CEP72: variants seen among roughly 807,000 people sequenced by gnomAD.
CEP72 encodes centrosomal protein 72, also known as centrosomal protein of 72 kDa.
A neutral mutation model predicts 65.7 loss-of-function variants in CEP72; 78 were observed. The ratio of observed to expected loss-of-function variants is 1.19; its 90% CI spans 0.99 to 1.43. The LOEUF (loss-of-function observed/expected upper bound fraction) is 1.43. Among genes scored for constraint, CEP72 ranks in the 40% most tolerant of loss-of-function variants. CEP72 has a pLI of 0.00. For synonymous variants in CEP72, 358 were observed against 351.7 expected (o/e 1.02, Z -0.20); for missense variants, 914 against 832.9 (o/e 1.10, Z -1.20).
rs1385276962 is a variant in CEP72 at position 623,441 on chromosome 5, T to A, written c.404-1030T>A. ...GCCTGCGTGTGGGATGGAGGCGGCG[T>A]CTGGAGAGACCTTGCCAGCAGGAGA... On this transcript the variant is annotated intron_variant, in intron 3 of 11. Transcript: ENST00000264935. The surrounding 1 kb of genome is among the most constrained non-coding windows in gnomAD (Gnocchi z 5.3). Among the ~76,000 whole-genome samples the A allele has an allele frequency of 6.6e-6, 1 of 152,094 alleles. No homozygotes were observed. The highest frequency in any genetic ancestry group is 1.5e-5 in the Non-Finnish European group (1 of 68,008).
chr5:634,934 C>G (rs907974221), intron 5 of CEP72, among the ~76,000 whole-genome samples: 1 of 152,126 alleles, frequency 6.6e-6, no homozygotes, highest in African/African-American at 2.4e-5. Flanking sequence ...TTTGCTCTGC[C>G]GCCCAGGCTG....
intron 1 of CEP72, among the ~76,000 whole-genome samples, chr5:615,512 T>TCAAA (rs1735939282): frequency 6.6e-6 from 1 of 152,202 alleles, no homozygotes; most frequent in Non-Finnish European, 1.5e-5. Flanking sequence ...GGTAGCTTCT[T>TCAAA]TTGATTGGTT....
At chr5:638,959 G>C in intron 7 of CEP72, 130 bp from the exon 8 acceptor site, 1 of 1,210,768 alleles carries the variant, frequency 8.3e-7, no homozygotes, top group Non-Finnish European at 1.2e-6. Flanking sequence ...CCTGGCTCAG[G>C]GCTGGGGCCT....
intron 11 of CEP72, 143 bp from the exon 12 acceptor site, chr5:652,845 T>G (rs1580048009): frequency 1.1e-6 from 1 of 886,682 alleles, no homozygotes; most frequent in Non-Finnish European, 1.6e-6. Context: ...ACACAGAAGG[T>G]GATGGGGCCA....
At position 640,618 on chromosome 5, in the gene CEP72, G is replaced by A; in HGVS notation, c.1539+14G>A. 1.2e-6 allele frequency: 2 copies of A among 1,602,822 alleles called. No individual in the cohort carries two copies. The highest frequency in any genetic ancestry group is 1.7e-6 in the Non-Finnish European group (2 of 1,176,100). ...CACAAGGAGCTGGTGAGCCCGCCCT[G>A]GCGCTGTGTCTGTGTCCATGTGACT... is the stretch of plus-strand genomic sequence containing the variant. On this transcript the variant is annotated intron_variant, in intron 9 of 11. Transcript: ENST00000264935.
intron 1 of CEP72, among the ~76,000 whole-genome samples, chr5:617,420 A>C (rs1168195961): frequency 6.6e-6 from 1 of 152,202 alleles, no homozygotes; most frequent in Admixed American, 6.5e-5. Context: ...TCATGCCTGT[A>C]GTCTTGGGAG....
intron 4 of CEP72, among the ~76,000 whole-genome samples, chr5:625,730 CG>C (rs1308560834): frequency 1.3e-5 from 2 of 152,158 alleles, no homozygotes; most frequent in East Asian, 3.8e-4. Flanking sequence ...GTGAGCCGTG[CG>C]GGAGAAGCTG....
intron 10 of CEP72, among the ~76,000 whole-genome samples, chr5:646,134 C>T (rs1026195116): frequency 6.6e-6 from 1 of 152,326 alleles, no homozygotes; most frequent in East Asian, 1.9e-4. Context: ...CCACGGCGGT[C>T]GCTTTGCTTC....
intron 11 of CEP72, among the ~76,000 whole-genome samples, chr5:648,737 TGACTGTGAGGTGTG>T (rs1393692001): frequency 1.0e-4 from 5 of 48,644 alleles, no homozygotes; most frequent in Non-Finnish European, 2.1e-4. Flanking sequence ...CTGTGAGGCA[TGACTGTGAGGTGTG>T]GACTGTGAGG....
Position 622,291 on chromosome 5 carries a change from CTCTGACCT to C in CEP72, c.403+2034_403+2041del, listed in dbSNP as rs113319961. 4.2e-3 allele frequency among the ~76,000 whole-genome samples: 639 copies of C among 152,360 alleles called. 5 individuals are homozygous for C. The highest frequency in any genetic ancestry group is 0.014 in the African/African-American group (597 of 41,570). ...GTAACTAACGATCAAAACAATTTTT[CTCTGACCT>C]TCTAAAAGTGACTTGAGGAGCTGAC... On this transcript the variant is annotated intron_variant, in intron 3 of 11. Transcript: ENST00000264935.
At chr5:615,066 T>G (rs1735905031) in intron 1 of CEP72, among the ~76,000 whole-genome samples, 1 of 152,076 alleles carries the variant, frequency 6.6e-6, no homozygotes, top group South Asian at 2.1e-4. Context: ...CTCTGTTTGT[T>G]GAATTACATA....
chr5:635,698 C>A, intron 6 of CEP72, 114 bp downstream of exon 6: 1 of 872,606 alleles, frequency 1.1e-6, no homozygotes, highest in Non-Finnish European at 1.8e-6. Context: ...CTGGGAAGTC[C>A]AAGAGCACGG....
chr5:654,322 TTG>T (rs1491587482), downstream of CEP72, among the ~76,000 whole-genome samples: 26 of 145,762 alleles, frequency 1.8e-4, no homozygotes, highest in African/African-American at 4.3e-4. Context: ...GTGTGTACGC[TTG>T]TGTGTGCGCT....
chr5:670,165 A>C (rs1283967903), downstream of CEP72, among the ~76,000 whole-genome samples: 1 of 152,150 alleles, frequency 6.6e-6, no homozygotes, highest in Admixed American at 6.5e-5. Context: ...AGGCCAGGAC[A>C]GCCCTCCGAG....
downstream of CEP72, among the ~76,000 whole-genome samples, chr5:670,174 AGGACTGAGGCCTGTTCCTCCGGGGC>A (rs1425793980): frequency 6.6e-6 from 1 of 152,100 alleles, no homozygotes; most frequent in Non-Finnish European, 1.5e-5. Flanking sequence ...CAGCCCTCCG[AGGACTGAGGCCTGTTCCTCCGGGGC>A]GGACGTCACA....
chr5:669,679 C>CT (rs1740128922), downstream of CEP72, among the ~76,000 whole-genome samples: 2 of 152,068 alleles, frequency 1.3e-5, no homozygotes, highest in African/African-American at 4.8e-5. Context: ...GGCTGAGGGG[C>CT]TCCCCCATCA....
intron 2 of CEP72, chr5:664,981 A>C: frequency 8.0e-7 from 1 of 1,244,806 alleles, no homozygotes; most frequent in Non-Finnish European, 1.1e-6. Context: ...GCCGCCCCCC[A>C]GCCCCCTCTG....
At chr5:644,213 G>A in intron 9 of CEP72, 86 bp from the exon 10 acceptor site, 1 of 1,460,630 alleles carries the variant, frequency 6.8e-7, no homozygotes, top group Non-Finnish European at 9.4e-7. Context: ...GGAACCCTCT[G>A]GGGATTCTCA....
chr5:675,112 A>C, the CEP72 span, among the ~76,000 whole-genome samples: 5 of 5,476 alleles, frequency 9.1e-4, no homozygotes, highest in African/African-American at 4.4e-3. Flanking sequence ...GGGGTGCAGC[A>C]CGGGGGGTAC....
Sources: allele counts gnomAD v4.1 joint callset (sites outside exome capture counted in the v4.1 genomes callset), GRCh38; gene constraint gnomAD v4.1.1; non-coding constraint Gnocchi (gnomAD v3.1); transcripts MANE v1.5; gene names NCBI Gene and HGNC (gene_info 2026-07-23, HGNC 2026-07-21).